SYNDIG1: variants seen among roughly 807,000 people sequenced by gnomAD.
SYNDIG1 encodes the protein synapse differentiation-inducing gene protein 1.
SYNDIG1 carries 9 observed loss-of-function variants against 19.4 expected under a neutral mutation model. That is an observed-to-expected ratio of 0.46 (90% CI 0.28 to 0.81). SYNDIG1 has a LOEUF of 0.81. Among genes scored for constraint, SYNDIG1 ranks in the 30% least tolerant of loss-of-function variants. The pLI, the probability that SYNDIG1 is intolerant of heterozygous loss-of-function variation, is 0.12. For synonymous variants in SYNDIG1, 141 were observed against 145.9 expected, an observed-to-expected ratio of 0.97 and a Z score of 0.24; for missense variants, 311 against 343.3, an observed-to-expected ratio of 0.91 and a Z score of 0.74.
In SYNDIG1 at chr20:24,543,431, G is replaced by C; in HGVS notation, c.334G>C (p.Glu112Gln). ...GGACGGTGTGGCCGCCGACTGCTGC[G>C]AGACCACCTTCATCGAGGACCGGTC... ...WGDGVAADCC[E>Q]TTFIEDRSPT... Residue 112 changes from glutamate (E) to glutamine (Q), a missense_variant, in exon 2 of 4, where the codon GAG (glutamate) becomes CAG (glutamine). By Grantham distance (29) the Glu-to-Gln change is conservative. Transcript: ENST00000376862. 1 of 1,613,618 alleles carries C rather than the reference G, an allele frequency of 6.2e-7. No homozygotes were observed. Among genetic ancestry groups the C allele is most frequent in the Non-Finnish European group, 8.5e-7 (1 of 1,180,028 alleles).
chr20:24,512,589 G>A (rs2056772680), intron 1 of SYNDIG1, among the ~76,000 whole-genome samples: 1 of 152,154 alleles, frequency 6.6e-6, no homozygotes, highest in South Asian at 2.1e-4. Flanking sequence ...GCGAGGCTGG[G>A]GGAGGGGCGC....
chr20:24,614,790 C>T (rs180736360), intron 3 of SYNDIG1, among the ~76,000 whole-genome samples: 8 of 152,250 alleles, frequency 5.3e-5, no homozygotes, highest in East Asian at 1.9e-4. Flanking sequence ...AGTCCTGCTT[C>T]GCCTATTTAA....
chr20:24,602,777 T>C (rs1256376049), intron 3 of SYNDIG1, among the ~76,000 whole-genome samples: 1 of 152,258 alleles, frequency 6.6e-6, no homozygotes, highest in Non-Finnish European at 1.5e-5. Flanking sequence ...GTTACCAGTC[T>C]GGCATTATTA....
chr20:24,489,794 A>G (rs2056094851), intron 1 of SYNDIG1, among the ~76,000 whole-genome samples: 1 of 152,202 alleles, frequency 6.6e-6, no homozygotes, highest in Non-Finnish European at 1.5e-5. Context: ...CAGCCAAAGG[A>G]CAGTGTGCGG....
Position 24,543,092 on chromosome 20 carries a change from A to G in SYNDIG1, c.-6A>G. 1 of 1,610,376 alleles carries G rather than the reference A, an allele frequency of 6.2e-7. No individual in the cohort carries two copies. The highest frequency in any genetic ancestry group is 8.5e-7 in the Non-Finnish European group (1 of 1,177,026). ...CAGCCTGACGCCCAGCCAGGGAGAG[A>G]GTACCATGGATGGCATCATTGAACA... On this transcript the variant is annotated 5_prime_UTR_variant, in exon 2 of 4. Coordinates refer to ENST00000376862, the MANE Select transcript of SYNDIG1 (RefSeq NM_024893.3).
At chr20:24,647,621 G>A (rs2059434316) in intron 3 of SYNDIG1, among the ~76,000 whole-genome samples, 1 of 152,006 alleles carries the variant, frequency 6.6e-6, no homozygotes, top group African/African-American at 2.4e-5. Context: ...CAAGGAACCA[G>A]ATGGAGCAGG....
intron 1 of SYNDIG1, among the ~76,000 whole-genome samples, chr20:24,484,043 C>T (rs946001167): frequency 2.0e-5 from 3 of 152,146 alleles, no homozygotes; most frequent in South Asian, 2.1e-4. Flanking sequence ...GATGTGACTT[C>T]AGAATTCCGT....
At chr20:24,598,620 G>A (rs1300696049) in intron 3 of SYNDIG1, among the ~76,000 whole-genome samples, 2 of 152,230 alleles carry the variant, frequency 1.3e-5, no homozygotes, top group Non-Finnish European at 2.9e-5. Context: ...ACCTCTAGGT[G>A]CTCAGGATCG....
intron 1 of SYNDIG1, among the ~76,000 whole-genome samples, chr20:24,524,746 GGA>G (rs752610384): frequency 5.3e-5 from 8 of 152,072 alleles, no homozygotes; most frequent in African/African-American, 1.7e-4. Context: ...ACGGGGTCTT[GGA>G]GAGAGGGGAA....
intron 1 of SYNDIG1, among the ~76,000 whole-genome samples, chr20:24,492,749 C>G (rs554217364): frequency 6.6e-6 from 1 of 152,248 alleles, no homozygotes; most frequent in Admixed American, 6.5e-5. Context: ...ACCACCTGCA[C>G]GCCCATCCCC....
intron 3 of SYNDIG1, among the ~76,000 whole-genome samples, chr20:24,587,027 T>C (rs559601919): frequency 6.6e-5 from 10 of 152,220 alleles, no homozygotes; most frequent in Non-Finnish European, 1.5e-4. Flanking sequence ...TAAGAGCCTC[T>C]TAGGCTTGGG....
intron 1 of SYNDIG1, among the ~76,000 whole-genome samples, chr20:24,481,227 G>T (rs1378064925): frequency 6.6e-6 from 1 of 152,196 alleles, no homozygotes; most frequent in Non-Finnish European, 1.5e-5. Flanking sequence ...ATAACAGACT[G>T]CCCCCAAAAC....
chr20:24,630,067 A>G (rs1212508181), intron 3 of SYNDIG1, among the ~76,000 whole-genome samples: 1 of 152,206 alleles, frequency 6.6e-6, no homozygotes, highest in Non-Finnish European at 1.5e-5. Flanking sequence ...ATAAAGTGAG[A>G]GATTCTGCTG....
chr20:24,572,526 C>T (rs892086462), intron 2 of SYNDIG1, among the ~76,000 whole-genome samples: 2 of 152,214 alleles, frequency 1.3e-5, no homozygotes, highest in African/African-American at 4.8e-5. Context: ...CGTGGAGCGA[C>T]TGGTCAGGTG....
intron 3 of SYNDIG1, among the ~76,000 whole-genome samples, chr20:24,629,296 A>G (rs1160765545): frequency 2.0e-5 from 3 of 151,996 alleles, no homozygotes; most frequent in African/African-American, 7.3e-5. Flanking sequence ...GGGTTCTCAG[A>G]TGGGTCTTGC....
At chr20:24,527,162 C>G (rs891242596) in intron 1 of SYNDIG1, among the ~76,000 whole-genome samples, 3 of 152,162 alleles carry the variant, frequency 2.0e-5, no homozygotes, top group African/African-American at 7.2e-5. Flanking sequence ...ACCTGCCAGG[C>G]TCTTTGCTGC....
intron 1 of SYNDIG1, among the ~76,000 whole-genome samples, chr20:24,523,167 TCC>T (rs1262922793): frequency 2.6e-5 from 4 of 152,228 alleles, no homozygotes; most frequent in Non-Finnish European, 4.4e-5. Context: ...GGCTGTGAAA[TCC>T]AGCTCTGCAG....
At chr20:24,629,455 A>C (rs963248094) in intron 3 of SYNDIG1, among the ~76,000 whole-genome samples, 1 of 152,300 alleles carries the variant, frequency 6.6e-6, no homozygotes, top group East Asian at 1.9e-4. Flanking sequence ...TATGCCAAGA[A>C]GAAATTGAGA....
chr20:24,472,939 A>G (rs540552982), intron 1 of SYNDIG1, among the ~76,000 whole-genome samples: 40 of 152,310 alleles, frequency 2.6e-4, no homozygotes, highest in African/African-American at 9.6e-4. Flanking sequence ...GTAGGTGAGC[A>G]GTTTTATGTC....
Sources: gnomAD v4.1 joint callset for allele counts (sites outside exome capture counted in the v4.1 genomes callset) on GRCh38, gnomAD v4.1.1 for gene constraint, MANE v1.5 for transcripts, NCBI Gene and HGNC (gene_info 2026-07-23, HGNC 2026-07-21) for gene names.